The following TEAD1 variants were observed in gnomAD, a reference collection of about 807,000 sequenced individuals.
TEAD1 encodes TEA domain transcription factor 1, also known as transcriptional enhancer factor TEF-1.
TEAD1 carries 9 observed loss-of-function variants against 54.9 expected under a neutral mutation model. That is an observed-to-expected ratio of 0.16 (90% CI 0.10 to 0.29). The LOEUF is 0.29. TEAD1 is among the 10% of genes least tolerant of loss of function. The probability of loss-of-function intolerance (pLI) is 1.00; values close to 1 mark genes in which losing one functional copy is unlikely to be tolerated. For synonymous variants in TEAD1, 200 were observed against 187.8 expected, an observed-to-expected ratio of 1.07 and a Z score of -0.53; for missense variants, 387 against 535.9, an observed-to-expected ratio of 0.72 and a Z score of 2.74.
intron 3 of TEAD1, among the ~76,000 whole-genome samples, chr11:12,839,483 A>G (rs1472996995): frequency 6.6e-6 from 1 of 151,916 alleles, no homozygotes; most frequent in East Asian, 1.9e-4. Context: ...TACTGCATCC[A>G]CTCTGTCCAC....
At chr11:12,819,595 C>T (rs1468387329) in intron 3 of TEAD1, among the ~76,000 whole-genome samples, 1 of 152,012 alleles carries the variant, frequency 6.6e-6, no homozygotes, top group African/African-American at 2.4e-5. Flanking sequence ...ACTACAGGCG[C>T]CCGCCACCAA....
chr11:12,869,726 C>G (rs974203022), intron 5 of TEAD1, among the ~76,000 whole-genome samples: 1 of 151,792 alleles, frequency 6.6e-6, no homozygotes, highest in Non-Finnish European at 1.5e-5. Flanking sequence ...GTACTTTTTC[C>G]TCTACCCACC....
intron 10 of TEAD1, among the ~76,000 whole-genome samples, chr11:12,903,379 A>G (rs1477447195): frequency 6.6e-6 from 1 of 152,236 alleles, no homozygotes; most frequent in African/African-American, 2.4e-5. Flanking sequence ...AGCCCAACAG[A>G]TGTGAGAACA....
At chr11:12,751,382 A>G (rs1346470056) in intron 2 of TEAD1, among the ~76,000 whole-genome samples, 1 of 152,128 alleles carries the variant, frequency 6.6e-6, no homozygotes, top group Non-Finnish European at 1.5e-5. Flanking sequence ...TAAACAAATC[A>G]TTCCTATGCG....
At chr11:12,861,430 G>A (rs552110856) in intron 3 of TEAD1, among the ~76,000 whole-genome samples, 2 of 152,176 alleles carry the variant, frequency 1.3e-5, no homozygotes, top group South Asian at 2.1e-4. Context: ...GTCTGCCTTC[G>A]TACTGTTAGC....
intron 2 of TEAD1, among the ~76,000 whole-genome samples, chr11:12,721,433 A>G (rs1370462349): frequency 2.0e-5 from 3 of 152,198 alleles, no homozygotes; most frequent in African/African-American, 7.2e-5. Flanking sequence ...TGGAGTAAGA[A>G]GGATGATCTG....
intron 2 of TEAD1, among the ~76,000 whole-genome samples, chr11:12,700,151 T>C (rs1158628163): frequency 6.6e-6 from 1 of 152,262 alleles, no homozygotes; most frequent in Non-Finnish European, 1.5e-5. Flanking sequence ...TGTACCTTTT[T>C]TTCTATAATT....
In TEAD1 at chr11:12,695,582, A is replaced by G. The variant is rs565688015; in HGVS notation, c.-55+20021A>G. 1.7e-4 allele frequency among the ~76,000 whole-genome samples: 26 copies of G among 152,290 alleles called. No homozygotes were observed. In the South Asian group the frequency reaches 2.7e-3, roughly 16 times the overall value. ...TAAAATCAATGTAAATGGATTTGTA[A>G]GCCTCCTGTAACAGATTATCCTATT... is the stretch of plus-strand genomic sequence containing the variant. On this transcript the variant is annotated intron_variant, in intron 2 of 12. Transcript: ENST00000527636.
intron 3 of TEAD1, among the ~76,000 whole-genome samples, chr11:12,821,961 CTT>C (rs10700151): frequency 0.036 from 2,428 of 67,906 alleles, 35 homozygotes; most frequent in Middle Eastern, 0.065. Flanking sequence ...TTCTCTTTTC[CTT>C]TTTTTTTTTT....
At chr11:12,914,114 G>T (rs1157881931) in intron 10 of TEAD1, among the ~76,000 whole-genome samples, 1 of 152,178 alleles carries the variant, frequency 6.6e-6, no homozygotes, top group Non-Finnish European at 1.5e-5. Flanking sequence ...AAGTTGTGTG[G>T]GTGATATTAA....
intron 3 of TEAD1, among the ~76,000 whole-genome samples, chr11:12,808,364 C>G (rs555269308): frequency 3.2e-4 from 48 of 152,308 alleles, no homozygotes; most frequent in Non-Finnish European, 5.6e-4. Flanking sequence ...TGAGCCTTCT[C>G]TAGTGGGGCC....
At chr11:12,799,223 T>A (rs2133973261) in intron 3 of TEAD1, among the ~76,000 whole-genome samples, 1 of 152,366 alleles carries the variant, frequency 6.6e-6, no homozygotes, top group South Asian at 2.1e-4. Flanking sequence ...ACTTGTTTAA[T>A]TTAAATTTCA....
At chr11:12,753,136 G>A (rs986230266) in intron 2 of TEAD1, among the ~76,000 whole-genome samples, 2 of 151,766 alleles carry the variant, frequency 1.3e-5, no homozygotes, top group Non-Finnish European at 2.9e-5. Context: ...GTTCCACAGC[G>A]CCCAGCCTGA....
At chr11:12,812,450 C>T (rs191916927) in intron 3 of TEAD1, among the ~76,000 whole-genome samples, 7 of 152,220 alleles carry the variant, frequency 4.6e-5, no homozygotes, top group African/African-American at 1.7e-4. Flanking sequence ...CATGTTTGTC[C>T]TTATCCTGCA....
rs112348204 is a variant in TEAD1 at position 12,846,805 on chromosome 11, A to G, written c.203-15445A>G. ...TTGATGAAGATCACAAGAATTAAAAACAGGGAAGATTGAGCTAATTTTGAA... is the reference window on the plus strand; with the variant it reads ...TTGATGAAGATCACAAGAATTAAAAGCAGGGAAGATTGAGCTAATTTTGAA... On this transcript the variant is annotated intron_variant, in intron 3 of 12. Coordinates refer to ENST00000527636, the MANE Select transcript of TEAD1 (RefSeq NM_021961.6). Among the ~76,000 whole-genome samples the G allele has an allele frequency of 4.2e-3, 639 of 152,348 alleles. 7 individuals are homozygous for G. The highest frequency in any genetic ancestry group is 0.014 in the African/African-American group (588 of 41,576).
At chr11:12,712,176 TCTC>T (rs1385567375) in intron 2 of TEAD1, among the ~76,000 whole-genome samples, 1 of 152,190 alleles carries the variant, frequency 6.6e-6, no homozygotes, top group Non-Finnish European at 1.5e-5. Flanking sequence ...ATCTCCCTCT[TCTC>T]TGTCCGTCTG....
At chr11:12,837,712 C>G (rs1032714178) in intron 3 of TEAD1, among the ~76,000 whole-genome samples, 16 of 143,540 alleles carry the variant, frequency 1.1e-4, no homozygotes, top group African/African-American at 4.6e-4. Context: ...CTTCTCCCTT[C>G]TCCTTCTCCT....
At chr11:12,890,697 G>A (rs757150127) in intron 9 of TEAD1, among the ~76,000 whole-genome samples, 1 of 152,184 alleles carries the variant, frequency 6.6e-6, no homozygotes, top group Non-Finnish European at 1.5e-5. Flanking sequence ...TCTGGACAGG[G>A]ATCAAGCTTG....
intron 3 of TEAD1, among the ~76,000 whole-genome samples, chr11:12,816,142 C>G (rs1008301040): frequency 6.6e-6 from 1 of 152,196 alleles, no homozygotes; most frequent in Non-Finnish European, 1.5e-5. Context: ...AGCCTTCCCA[C>G]TTTGCACTGT....
Sources: allele counts gnomAD v4.1 joint callset (sites outside exome capture counted in the v4.1 genomes callset), GRCh38; gene constraint gnomAD v4.1.1; transcripts MANE v1.5; gene names NCBI Gene and HGNC (gene_info 2026-07-23, HGNC 2026-07-21).